Variants in ANO1 observed in about 807,000 individuals in gnomAD.
The protein encoded by ANO1 is anoctamin 1.
ANO1 carries 59 observed loss-of-function variants against 124.0 expected under a neutral mutation model. The observed-to-expected ratio is 0.48, with a 90% CI of 0.39 to 0.59. The LOEUF (loss-of-function observed/expected upper bound fraction) is 0.59, where lower values mean the gene tolerates loss of function less well. Ranked by LOEUF, ANO1 falls within the 20% of genes least tolerant of loss-of-function variation. ANO1 has a pLI of 0.00. For synonymous variants in ANO1, 529 were observed against 532.0 expected, an observed-to-expected ratio of 0.99 and a Z score of 0.08; for missense variants, 1,059 against 1,328.0, an observed-to-expected ratio of 0.80 and a Z score of 3.15.
chr11:70,179,974 C>T, intron 22 of ANO1, 30 bp from the exon 23 acceptor site: 2 of 1,604,738 alleles, frequency 1.2e-6, no homozygotes, highest in Non-Finnish European at 1.7e-6. Context: ...GTGTAGGGCT[C>T]TTTAAAACTG....
rs994203745 is a variant in ANO1, at chr11:70,188,828, G to A, written c.*824G>A. 3 of 152,232 alleles carry A rather than the reference G, an allele frequency of 2.0e-5. No homozygotes were observed. Among genetic ancestry groups the A allele is most frequent in the Admixed American group, 2.0e-4 (3 of 15,256 alleles). The allele number at this position is 152,232 out of a possible 1,614,324, so 9.4% of individuals were successfully genotyped here. A position where few individuals can be genotyped will look rare whatever the true frequency, so the allele number is the denominator to read the frequency against. Reference sequence around the variant, plus strand: ...GGAAGCATTTCCACAGATGGTGTCAGGGTTTCAAGAAGTCTTAGGGCTTCC... The same window carrying A: ...GGAAGCATTTCCACAGATGGTGTCAAGGTTTCAAGAAGTCTTAGGGCTTCC... On this transcript the variant is annotated 3_prime_UTR_variant, in exon 26 of 26. Coordinates refer to ENST00000355303, the MANE Select transcript of ANO1 (RefSeq NM_018043.7).
At chr11:70,067,565 T>C (rs1327376215) in intron 1 of ANO1, among the ~76,000 whole-genome samples, 2 of 152,198 alleles carry the variant, frequency 1.3e-5, no homozygotes, top group Non-Finnish European at 2.9e-5. Context: ...CGACCTCAAG[T>C]GATCCGTCTG....
At chr11:70,017,388 A>G (rs1266371179) in intron 1 of ANO1, among the ~76,000 whole-genome samples, 1 of 152,106 alleles carries the variant, frequency 6.6e-6, no homozygotes, top group Non-Finnish European at 1.5e-5. Context: ...TTTTTCACTT[A>G]AGGCCAGGAG....
At chr11:69,994,597 C>T (rs1018255493) in intron 1 of ANO1, among the ~76,000 whole-genome samples, 3 of 152,138 alleles carry the variant, frequency 2.0e-5, no homozygotes, top group South Asian at 2.1e-4. Flanking sequence ...AAGAAAAGCT[C>T]AGTGCTAACT....
upstream of ANO1, among the ~76,000 whole-genome samples, chr11:69,985,534 C>G (rs923587844): frequency 1.3e-5 from 2 of 152,146 alleles, no homozygotes; most frequent in East Asian, 3.9e-4. Context: ...GGGCCACTCA[C>G]GGAACCGCCC....
intron 2 of ANO1, 90 bp from the exon 3 acceptor site, chr11:70,102,976 G>A (rs912277251): frequency 3.4e-6 from 3 of 890,112 alleles, no homozygotes; most frequent in South Asian, 1.6e-5. Flanking sequence ...GTAGCTGCTC[G>A]ATAAATTGTG....
intron 1 of ANO1, among the ~76,000 whole-genome samples, chr11:70,003,592 T>C (rs1856425127): frequency 9.2e-6 from 1 of 108,450 alleles, no homozygotes; most frequent in South Asian, 3.3e-4. Context: ...GGTGGATGGA[T>C]GGGTGGATGG....
chr11:70,073,565 CA>C (rs1199893087), upstream of ANO1, among the ~76,000 whole-genome samples: 2 of 151,934 alleles, frequency 1.3e-5, no homozygotes, highest in East Asian at 3.9e-4. Context: ...AAATGAAGCC[CA>C]AAAAACTGAG....
chr11:69,975,835 G>A, the ANO1 span, among the ~76,000 whole-genome samples: 4 of 152,232 alleles, frequency 2.6e-5, no homozygotes, highest in African/African-American at 9.6e-5. Context: ...ACTGGTAGGA[G>A]CACGGCAGTT....
chr11:70,051,198 C>T (rs111613026), intron 1 of ANO1, among the ~76,000 whole-genome samples: 2 of 152,172 alleles, frequency 1.3e-5, no homozygotes. Flanking sequence ...TACCCTGCAC[C>T]CATCACTGTG....
At chr11:70,049,440 C>T (rs963959481) in intron 1 of ANO1, among the ~76,000 whole-genome samples, 2 of 152,214 alleles carry the variant, frequency 1.3e-5, no homozygotes, top group African/African-American at 4.8e-5. Flanking sequence ...TTGAAGATGA[C>T]CAGAACAACC....
chr11:70,076,756 C>A (rs2044063389), upstream of ANO1, among the ~76,000 whole-genome samples: 1 of 152,214 alleles, frequency 6.6e-6, no homozygotes, highest in African/African-American at 2.4e-5. Context: ...CCCGTTGGCA[C>A]CACCAGCCTG....
chr11:70,034,756 G>A (rs186174093), intron 1 of ANO1, among the ~76,000 whole-genome samples: 52 of 152,202 alleles, frequency 3.4e-4, no homozygotes, highest in Non-Finnish European at 5.9e-4. Flanking sequence ...ATAAAGAAGC[G>A]CAAGGTTCTG....
chr11:70,107,058 C>T (rs1324856275), intron 5 of ANO1, among the ~76,000 whole-genome samples: 1 of 152,058 alleles, frequency 6.6e-6, no homozygotes, highest in East Asian at 1.9e-4. Flanking sequence ...TGGCAGTGGT[C>T]ATAAACATGG....
intron 8 of ANO1, among the ~76,000 whole-genome samples, chr11:70,119,115 G>T (rs541738812): frequency 6.7e-6 from 1 of 149,524 alleles, no homozygotes; most frequent in South Asian, 2.2e-4. Flanking sequence ...AATGATGGAT[G>T]GATGATGGGT....
At chr11:70,148,195 G>A (rs938367490) in intron 11 of ANO1, among the ~76,000 whole-genome samples, 1 of 152,016 alleles carries the variant, frequency 6.6e-6, no homozygotes, top group East Asian at 1.9e-4. Context: ...GGTCACCGTC[G>A]CACAGCCCAT....
rs144801276 is a variant in ANO1, at chr11:70,062,559, G to C, written c.59-15983G>C. Among the ~76,000 whole-genome samples, 418 of 152,326 alleles carry C rather than the reference G, an allele frequency of 2.7e-3. 3 individuals carry two copies. The highest frequency in any genetic ancestry group is 9.4e-3 in the African/African-American group (392 of 41,562). On this transcript the variant is annotated intron_variant, in intron 1 of 27. Transcript: ENST00000531349. ...GAACGGACCATGCTGGGGTGAGCTG[G>C]GGGAGGGTTCAGGAGCTGCTTTCCC...
At chr11:69,995,922 G>T (rs1856261650) in intron 1 of ANO1, among the ~76,000 whole-genome samples, 1 of 152,136 alleles carries the variant, frequency 6.6e-6, no homozygotes, top group African/African-American at 2.4e-5. Flanking sequence ...AGACCAGCTG[G>T]CTAATAGAGC....
At chr11:70,017,077 G>A (rs986437100) in intron 1 of ANO1, among the ~76,000 whole-genome samples, 14 of 152,220 alleles carry the variant, frequency 9.2e-5, no homozygotes, top group Admixed American at 8.5e-4. Context: ...TTAGAAAGAT[G>A]CCTGGCACAG....
Sources: gnomAD v4.1 joint callset for allele counts (sites outside exome capture counted in the v4.1 genomes callset) on GRCh38, gnomAD v4.1.1 for gene constraint, MANE v1.5 for transcripts, NCBI Gene and HGNC (gene_info 2026-07-23, HGNC 2026-07-21) for gene names.